AGAP1: variants seen among roughly 807,000 people sequenced by gnomAD.
AGAP1 encodes arf-GAP with GTPase, ANK repeat and PH domain-containing protein 1.
AGAP1 carries 29 observed loss-of-function variants against 105.3 expected under a neutral mutation model. The observed-to-expected ratio is 0.28, with a 90% confidence interval of 0.21 to 0.38. AGAP1 has a LOEUF of 0.38. AGAP1 is among the 10% of genes least tolerant of loss of function. The pLI, the probability that AGAP1 is intolerant of heterozygous loss-of-function variation, is 1.00. For synonymous variants in AGAP1, 509 were observed against 485.9 expected (o/e 1.05, Z -0.63); for missense variants, 998 against 1,165.1 (o/e 0.86, Z 2.09).
intron 9 of AGAP1, among the ~76,000 whole-genome samples, chr2:235,816,204 G>A (rs909805476): frequency 6.6e-5 from 10 of 152,056 alleles, no homozygotes; most frequent in Non-Finnish European, 1.0e-4. Context: ...TTGGGAGGCC[G>A]AGGTGGGTGG....
chr2:235,693,940 T>C (rs994443334), intron 1 of AGAP1, among the ~76,000 whole-genome samples: 2 of 152,222 alleles, frequency 1.3e-5, no homozygotes, highest in Admixed American at 6.5e-5. Context: ...TTGCAAAGCA[T>C]ACCAGGAACA....
Position 236,035,330 on chromosome 2 carries a change from C to G in AGAP1, c.1646-1231C>G, listed in dbSNP as rs961713034. ...CAAATGAGATGTTGTGTCTGAAAACCTAGTTGAAGATTTCTTAATGAGGGT... is the reference window on the plus strand; with the variant it reads ...CAAATGAGATGTTGTGTCTGAAAACGTAGTTGAAGATTTCTTAATGAGGGT... On this transcript the variant is annotated intron_variant, in intron 13 of 17. Coordinates refer to ENST00000304032, the MANE Select transcript of AGAP1 (RefSeq NM_001037131.3). The surrounding 1 kb of genome is among the most constrained non-coding windows in gnomAD (Gnocchi z 4.2). 1.4e-4 allele frequency among the ~76,000 whole-genome samples: 21 copies of G among 152,150 alleles called. No homozygotes were observed. Among genetic ancestry groups the G allele is most frequent in the African/African-American group, 4.8e-4 (20 of 41,434 alleles).
rs1336001720 is a variant in AGAP1, at chr2:235,705,210, C to G, written c.164-3969C>G. ...GCCAGGCTGGTCTTGAACTCCTGAC[C>G]TCAGGTGATCTGCGCGCCTCGGCCT... On this transcript the variant is annotated intron_variant, in intron 1 of 17. Transcript: ENST00000304032. This position sits in a 1 kb window ranked among gnomAD's most constrained non-coding sequence, Gnocchi z 4.9. 6.6e-6 allele frequency among the ~76,000 whole-genome samples: 1 copy of G among 151,866 alleles called. No individual in the cohort carries two copies. Among genetic ancestry groups the G allele is most frequent in the Non-Finnish European group, 1.5e-5 (1 of 67,966 alleles).
chr2:235,823,047 G>A (rs186678194), intron 9 of AGAP1, among the ~76,000 whole-genome samples: 49 of 152,164 alleles, frequency 3.2e-4, no homozygotes, highest in African/African-American at 1.1e-3. Context: ...TGTTCTTTGG[G>A]TTTCATCTCG....
In AGAP1 at chr2:235,830,979, G is replaced by A. The variant is rs565171969; in HGVS notation, c.1050+23648G>A. Reference sequence around the variant, plus strand: ...CCGCCTCCTCACCTGTGTGTCGCAGGTGTAGGCGATACCTGGGAAGCCGTT... The same window carrying A: ...CCGCCTCCTCACCTGTGTGTCGCAGATGTAGGCGATACCTGGGAAGCCGTT... On this transcript the variant is annotated intron_variant, in intron 9 of 17. Transcript: ENST00000304032. The surrounding 1 kb of genome is among the most constrained non-coding windows in gnomAD (Gnocchi z 5.5). Among the ~76,000 whole-genome samples, 7 of 152,184 alleles carry A rather than the reference G, an allele frequency of 4.6e-5. No homozygotes were observed. The South Asian group carries it at 1.0e-3, about 23-fold the overall frequency.
At chr2:235,859,976 AC>A (rs970506800) in intron 9 of AGAP1, among the ~76,000 whole-genome samples, 1 of 152,170 alleles carries the variant, frequency 6.6e-6, no homozygotes, top group Non-Finnish European at 1.5e-5. Flanking sequence ...GGCTGGGATC[AC>A]CATCCCCATG....
intron 7 of AGAP1, 58 bp downstream of exon 7, chr2:235,797,944 T>G: frequency 6.3e-7 from 1 of 1,586,024 alleles, no homozygotes; most frequent in Non-Finnish European, 8.6e-7. Context: ...ATGCAAATAG[T>G]GTTCCCAGCC....
rs796849013 is a variant in AGAP1 at position 235,552,240 on chromosome 2, G to A, written c.163+57391G>A. 1.3e-5 allele frequency among the ~76,000 whole-genome samples: 2 copies of A among 152,304 alleles called. No homozygotes were observed. The highest frequency in any genetic ancestry group is 4.8e-5 in the African/African-American group (2 of 41,568). On this transcript the variant is annotated intron_variant, in intron 1 of 17. Transcript: ENST00000304032. The surrounding 1 kb of genome is among the most constrained non-coding windows in gnomAD (Gnocchi z 5.9). ...ACCACCTGCAGTTCTGCTTATTGCT[G>A]GTGTTGAGAAATACAGTTTCTGCAG...
At chr2:235,709,821 C>T (rs893040117) in intron 2 of AGAP1, among the ~76,000 whole-genome samples, 5 of 152,168 alleles carry the variant, frequency 3.3e-5, no homozygotes, top group Non-Finnish European at 4.4e-5. Context: ...TCGCAGCCAC[C>T]CTTTCCAGCC....
intron 1 of AGAP1, among the ~76,000 whole-genome samples, chr2:235,652,148 T>G (rs544308013): frequency 1.3e-5 from 2 of 152,276 alleles, no homozygotes; most frequent in South Asian, 4.1e-4. Flanking sequence ...GCTTTCCAGG[T>G]GGCAGAGGCA....
chr2:235,991,158 G>C (rs2055548154), intron 13 of AGAP1, among the ~76,000 whole-genome samples: 1 of 152,202 alleles, frequency 6.6e-6, no homozygotes. Flanking sequence ...ATTTTACCTA[G>C]ATTTTTGTGT....
rs1333758090 is a variant in AGAP1 at position 235,732,827 on chromosome 2, C to G, written c.311-8136C>G. 6.6e-6 allele frequency among the ~76,000 whole-genome samples: 1 copy of G among 152,176 alleles called. No individual in the cohort carries two copies. Among genetic ancestry groups the G allele is most frequent in the Non-Finnish European group, 1.5e-5 (1 of 68,036 alleles). On this transcript the variant is annotated intron_variant, in intron 3 of 17. Coordinates refer to ENST00000304032, the MANE Select transcript of AGAP1 (RefSeq NM_001037131.3). This position sits in a 1 kb window ranked among gnomAD's most constrained non-coding sequence, Gnocchi z 4.8. ...GGGAGAAGGTGAGGGAGAGGAGATG[C>G]TCTCATCCTGAGTGTCCTGGACGAG...
At chr2:236,097,878 C>T (rs1033640869) in intron 16 of AGAP1, among the ~76,000 whole-genome samples, 2 of 152,154 alleles carry the variant, frequency 1.3e-5, no homozygotes, top group African/African-American at 4.8e-5. Flanking sequence ...TGACGACTCC[C>T]GACTCCCGGC....
chr2:236,071,787 G>A (rs1217284340), intron 16 of AGAP1, among the ~76,000 whole-genome samples: 1 of 152,144 alleles, frequency 6.6e-6, no homozygotes, highest in Non-Finnish European at 1.5e-5. Flanking sequence ...GGGGAGTTTC[G>A]CTGCTGCTCA....
chr2:236,075,340 G>GA (rs1249715870), intron 16 of AGAP1, among the ~76,000 whole-genome samples: 1 of 152,030 alleles, frequency 6.6e-6, no homozygotes, highest in African/African-American at 2.4e-5. Context: ...AGCTGTTGGG[G>GA]AAAAAAGAAG....
rs1441907272 is a variant in AGAP1, at chr2:235,865,323, A to G, written c.1051-18022A>G. On this transcript the variant is annotated intron_variant, in intron 9 of 17. Transcript: ENST00000304032. The surrounding 1 kb of genome is among the most constrained non-coding windows in gnomAD (Gnocchi z 6.2). ...GGTAGGAATAGACGCGGCTAATGACAGGAAGGTCGCGCGGGTGAGCTGACC... is the reference window on the plus strand; with the variant it reads ...GGTAGGAATAGACGCGGCTAATGACGGGAAGGTCGCGCGGGTGAGCTGACC... Among the ~76,000 whole-genome samples, 1 of 152,308 alleles carries G rather than the reference A, an allele frequency of 6.6e-6. No individual in the cohort carries two copies. Among genetic ancestry groups the G allele is most frequent in the East Asian group, 1.9e-4 (1 of 5,178 alleles).
intron 9 of AGAP1, among the ~76,000 whole-genome samples, chr2:235,880,319 A>G (rs115937508): frequency 0.011 from 1,678 of 152,130 alleles, 37 homozygotes; most frequent in African/African-American, 0.038. Context: ...TGGAGCCCCG[A>G]GGGTGTGCGC....
At position 235,609,410 on chromosome 2, in the gene AGAP1, A is replaced by G. The variant is rs542655520; in HGVS notation, c.164-99769A>G. Among the ~76,000 whole-genome samples, 2 of 152,292 alleles carry G rather than the reference A, an allele frequency of 1.3e-5. No homozygotes were observed. The highest frequency in any genetic ancestry group is 2.9e-5 in the Non-Finnish European group (2 of 68,028). ...GGAAGCCTCCACAACAGGTGGAGAA[A>G]ATAGCAAGGGCTGCTGGGCACGATC... On this transcript the variant is annotated intron_variant, in intron 1 of 17. Transcript: ENST00000304032. This position sits in a 1 kb window ranked among gnomAD's most constrained non-coding sequence, Gnocchi z 5.1.
At chr2:235,624,304 C>T (rs571992983) in intron 1 of AGAP1, among the ~76,000 whole-genome samples, 1 of 152,176 alleles carries the variant, frequency 6.6e-6, no homozygotes, top group Non-Finnish European at 1.5e-5. Context: ...AGTCCCCTTG[C>T]CCCCTTCTCT....
Sources: allele counts gnomAD v4.1 joint callset (sites outside exome capture counted in the v4.1 genomes callset), GRCh38; gene constraint gnomAD v4.1.1; non-coding constraint Gnocchi (gnomAD v3.1); transcripts MANE v1.5; gene names NCBI Gene and HGNC (gene_info 2026-07-23, HGNC 2026-07-21).